WWOX: variants seen among roughly 807,000 people sequenced by gnomAD.
The protein encoded by WWOX is WW domain-containing oxidoreductase.
In WWOX, 69 loss-of-function variants were observed where a neutral mutation model predicts 46.2. The observed-to-expected ratio is 1.49, with a 90% CI of 1.23 to 1.82. WWOX has a LOEUF of 1.82. Ranked by LOEUF, WWOX falls within the 40% of genes most tolerant of loss-of-function variation. The pLI is 0.00. For missense variants in WWOX, 919 were observed against 542.6 expected (o/e 1.69, Z -6.89); for synonymous variants, 359 against 202.6 (o/e 1.77, Z -6.56).
intron 8 of WWOX, among the ~76,000 whole-genome samples, chr16:78,973,503 G>A (rs1172060616): frequency 1.3e-5 from 2 of 152,140 alleles, no homozygotes; most frequent in Non-Finnish European, 2.9e-5. Context: ...CTAACAACAT[G>A]TCTGATGAAT....
Position 78,398,118 on chromosome 16 carries a change from T to G in WWOX, c.605+11170T>G, listed in dbSNP as rs547008733. Among the ~76,000 whole-genome samples the G allele has an allele frequency of 2.0e-5, 3 of 152,324 alleles. No individual in the cohort carries two copies. In the South Asian group the frequency reaches 6.2e-4, roughly 32 times the overall value. On this transcript the variant is annotated intron_variant, in intron 6 of 8. Transcript: ENST00000566780. ...ACAGAAGAAGACCAAGGGGTCGTTT[T>G]GCTATTTATACCTCCAAATTGATGG...
intron 8 of WWOX, among the ~76,000 whole-genome samples, chr16:78,646,401 G>T (rs754249067): frequency 5.9e-5 from 9 of 151,968 alleles, no homozygotes; most frequent in Non-Finnish European, 1.3e-4. Context: ...TCTTTCCTTA[G>T]CCTCCTAACA....
chr16:79,109,394 A>C (rs948033966), intron 8 of WWOX, among the ~76,000 whole-genome samples: 6 of 152,114 alleles, frequency 3.9e-5, no homozygotes, highest in African/African-American at 1.4e-4. Flanking sequence ...CCGGAGTTTA[A>C]TGGATCAAGT....
At chr16:78,668,213 G>C (rs563529040) in intron 8 of WWOX, among the ~76,000 whole-genome samples, 84 of 151,832 alleles carry the variant, frequency 5.5e-4, no homozygotes, top group African/African-American at 2.0e-3. Context: ...CTGGGAAGCG[G>C]AGGTTGCAGT....
chr16:78,926,876 A>G (rs2045510586), intron 8 of WWOX, among the ~76,000 whole-genome samples: 1 of 152,158 alleles, frequency 6.6e-6, no homozygotes, highest in South Asian at 2.1e-4. Flanking sequence ...GGCTTACTGC[A>G]GCCTCTACTT....
Position 78,696,125 on chromosome 16 carries a change from A to T in WWOX, c.1056+263373A>T, listed in dbSNP as rs1343616121. The stretch of plus-strand genomic sequence containing the variant: ...AAGCAGGAAACATAGGAGAGAAGCC[A>T]CTAGGGGTGGGAATCAGAAATACGG... On this transcript the variant is annotated intron_variant, in intron 8 of 8. Coordinates refer to ENST00000566780, the MANE Select transcript of WWOX (RefSeq NM_016373.4). Among the ~76,000 whole-genome samples, 5 of 152,322 alleles carry T rather than the reference A, an allele frequency of 3.3e-5. No homozygotes were observed. In the East Asian group the frequency reaches 9.7e-4, roughly 29 times the overall value.
At chr16:78,993,691 G>T (rs928281019) in intron 8 of WWOX, among the ~76,000 whole-genome samples, 2 of 152,200 alleles carry the variant, frequency 1.3e-5, no homozygotes, top group Admixed American at 6.5e-5. Context: ...CTGCCACGGG[G>T]GGACAGGAAA....
chr16:78,550,268 C>T (rs1369521456), intron 8 of WWOX, among the ~76,000 whole-genome samples: 1 of 152,200 alleles, frequency 6.6e-6, no homozygotes, highest in Admixed American at 6.5e-5. Flanking sequence ...AATTTTGAGT[C>T]TAGAACAGCA....
intron 5 of WWOX, among the ~76,000 whole-genome samples, chr16:78,371,846 A>G (rs182572668): frequency 1.4e-4 from 22 of 152,026 alleles, no homozygotes; most frequent in Admixed American, 1.2e-3. Context: ...TCTTTTAATC[A>G]TGTGTGTTAG....
intron 8 of WWOX, among the ~76,000 whole-genome samples, chr16:78,444,670 A>G (rs1005744207): frequency 2.0e-5 from 3 of 151,814 alleles, no homozygotes; most frequent in African/African-American, 7.3e-5. Flanking sequence ...AGCTAGGACT[A>G]CAGGCGCGTG....
rs138796371 is a variant in WWOX at position 78,924,159 on chromosome 16, GC to G, written c.1057-287448del. Among the ~76,000 whole-genome samples the G allele has an allele frequency of 7.9e-4, 121 of 152,272 alleles. No individual in the cohort carries two copies. The East Asian group carries it at 0.02, about 25-fold the overall frequency. On this transcript the variant is annotated intron_variant, in intron 8 of 8. Coordinates refer to ENST00000566780, the MANE Select transcript of WWOX (RefSeq NM_016373.4). ...CATAGACAAGGCTCTGGTTAGAGAA[GC>G]AGAAAGAAGGCTGGGTAGACCGGGG... is the stretch of plus-strand genomic sequence containing the variant.
chr16:79,183,496 T>C (rs1473986329), intron 8 of WWOX, among the ~76,000 whole-genome samples: 1 of 152,206 alleles, frequency 6.6e-6, no homozygotes, highest in East Asian at 1.9e-4. Flanking sequence ...AGATACACAT[T>C]TTATTTTTTT....
At chr16:78,819,335 C>T (rs1334943505) in intron 8 of WWOX, among the ~76,000 whole-genome samples, 1 of 152,210 alleles carries the variant, frequency 6.6e-6, no homozygotes, top group Non-Finnish European at 1.5e-5. Context: ...CTAGCTAAAA[C>T]AGGGATAGGG....
chr16:78,559,533 G>A (rs2044384102), intron 8 of WWOX, among the ~76,000 whole-genome samples: 1 of 152,150 alleles, frequency 6.6e-6, no homozygotes, highest in Admixed American at 6.5e-5. Flanking sequence ...GGATCACCTT[G>A]TTAATATGGT....
At chr16:78,314,711 T>TG (rs1276991001) in intron 5 of WWOX, among the ~76,000 whole-genome samples, 1,464 of 140,768 alleles carry the variant, frequency 0.01, 37 homozygotes, top group South Asian at 0.025. Flanking sequence ...GTTTTTTTTT[T>TG]TTTTTTTTTT....
chr16:78,696,221 T>C (rs932190754), intron 8 of WWOX, among the ~76,000 whole-genome samples: 1 of 152,170 alleles, frequency 6.6e-6, no homozygotes, highest in Non-Finnish European at 1.5e-5. Context: ...GGCAACTTCC[T>C]TAACAAAGAG....
At chr16:78,644,592 C>T (rs1597388362) in intron 8 of WWOX, among the ~76,000 whole-genome samples, 1 of 151,936 alleles carries the variant, frequency 6.6e-6, no homozygotes, top group African/African-American at 2.4e-5. Context: ...CTCCCAAGTA[C>T]CTGGGATTAC....
chr16:78,256,149 C>CAAAAAAAAAA (rs10557567), intron 5 of WWOX, among the ~76,000 whole-genome samples: 1 of 65,452 alleles, frequency 1.5e-5, no homozygotes. Context: ...GACTCCATCT[C>CAAAAAAAAAA]AAAAAAAAAA....
intron 8 of WWOX, among the ~76,000 whole-genome samples, chr16:78,802,078 C>A (rs2050905155): frequency 6.6e-6 from 1 of 151,936 alleles, no homozygotes; most frequent in African/African-American, 2.4e-5. Flanking sequence ...GCATTATTGT[C>A]ATTGTGAAAG....
Sources: gnomAD v4.1 joint callset for allele counts (sites outside exome capture counted in the v4.1 genomes callset) on GRCh38, gnomAD v4.1.1 for gene constraint, MANE v1.5 for transcripts, NCBI Gene and HGNC (gene_info 2026-07-23, HGNC 2026-07-21) for gene names.